Variants in MCTP1 observed in about 807,000 individuals in gnomAD.
MCTP1 encodes multiple C2 and transmembrane domain-containing protein 1.
A neutral mutation model predicts 120.6 loss-of-function variants in MCTP1; 69 were observed. The ratio of observed to expected loss-of-function variants is 0.57; its 90% CI spans 0.47 to 0.70. The LOEUF is 0.70. MCTP1 is among the 30% of genes least tolerant of loss of function. The probability of loss-of-function intolerance (pLI) is 0.00; values close to 1 mark genes in which losing one functional copy is unlikely to be tolerated. For synonymous variants in MCTP1, 529 were observed against 493.1 expected, an observed-to-expected ratio of 1.07 and a Z score of -0.96; for missense variants, 1,203 against 1,248.8, an observed-to-expected ratio of 0.96 and a Z score of 0.55.
chr5:95,229,982 G>T (rs1200848801), intron 1 of MCTP1, among the ~76,000 whole-genome samples: 1 of 151,948 alleles, frequency 6.6e-6, no homozygotes, highest in Non-Finnish European at 1.5e-5. Context: ...TAGTCACCAT[G>T]CCCCCAGCAT....
chr5:95,190,824 A>G (rs994002254), intron 1 of MCTP1, among the ~76,000 whole-genome samples: 3 of 152,114 alleles, frequency 2.0e-5, no homozygotes, highest in Non-Finnish European at 4.4e-5. Flanking sequence ...GATATTTGAT[A>G]CAGTTTAAAA....
chr5:94,940,899 G>A (rs1186578478), intron 4 of MCTP1, among the ~76,000 whole-genome samples: 1 of 151,298 alleles, frequency 6.6e-6, no homozygotes, highest in African/African-American at 2.4e-5. Context: ...AGAGACTATT[G>A]ATTTATATTT....
intron 8 of MCTP1, among the ~76,000 whole-genome samples, chr5:94,913,390 AT>A (rs542486440): frequency 1.3e-5 from 2 of 152,290 alleles, no homozygotes; most frequent in African/African-American, 4.8e-5. Flanking sequence ...GAAGATCTCT[AT>A]GTTATAAATA....
At chr5:94,846,334 G>A (rs1792347406) in intron 17 of MCTP1, among the ~76,000 whole-genome samples, 1 of 152,086 alleles carries the variant, frequency 6.6e-6, no homozygotes, top group African/African-American at 2.4e-5. Context: ...CAAAGAATGA[G>A]ATCAGGTCCT....
At chr5:94,808,909 C>G (rs146206241) in intron 17 of MCTP1, among the ~76,000 whole-genome samples, 1 of 152,140 alleles carries the variant, frequency 6.6e-6, no homozygotes, top group African/African-American at 2.4e-5. Context: ...CAGAAAGTTC[C>G]AATTCTTTAT....
At chr5:95,232,158 T>TAAAAAAAAAA (rs35731165) in intron 1 of MCTP1, among the ~76,000 whole-genome samples, 2 of 66,984 alleles carry the variant, frequency 3.0e-5, no homozygotes, top group African/African-American at 5.8e-5. Context: ...AAGTGATCAC[T>TAAAAAAAAAA]AAAAAAAAAA....
chr5:95,246,358 C>T (rs1756786066), intron 1 of MCTP1, among the ~76,000 whole-genome samples: 3 of 151,990 alleles, frequency 2.0e-5, no homozygotes, highest in Non-Finnish European at 4.4e-5. Context: ...GGACGAAATG[C>T]CCCAATTAAA....
At chr5:94,752,423 T>TAC (rs911358917) in intron 19 of MCTP1, among the ~76,000 whole-genome samples, 2 of 151,960 alleles carry the variant, frequency 1.3e-5, no homozygotes, top group African/African-American at 4.8e-5. Context: ...CCCTTGTACA[T>TAC]ACCTAAGTTC....
intron 17 of MCTP1, among the ~76,000 whole-genome samples, chr5:94,834,329 A>G (rs970464331): frequency 7.9e-5 from 12 of 152,154 alleles, no homozygotes; most frequent in Non-Finnish European, 1.3e-4. Flanking sequence ...ATTCAACATT[A>G]CCCATATATC....
intron 1 of MCTP1, among the ~76,000 whole-genome samples, chr5:95,079,201 A>G (rs180849215): frequency 2.0e-5 from 3 of 152,138 alleles, no homozygotes; most frequent in African/African-American, 7.2e-5. Flanking sequence ...CACTTATAAC[A>G]ACAGACTCTC....
intron 5 of MCTP1, among the ~76,000 whole-genome samples, chr5:94,934,238 A>G (rs1327722620): frequency 1.3e-5 from 2 of 151,688 alleles, no homozygotes; most frequent in Admixed American, 1.3e-4. Context: ...TTTCTTTGCT[A>G]TCTGTGAGAC....
At chr5:94,780,626 A>G (rs951677024) in intron 18 of MCTP1, among the ~76,000 whole-genome samples, 17 of 152,166 alleles carry the variant, frequency 1.1e-4, no homozygotes, top group African/African-American at 3.6e-4. Flanking sequence ...ATCTGATGAG[A>G]GCTTACACTT....
chr5:95,146,648 G>A (rs1760421855), intron 1 of MCTP1, among the ~76,000 whole-genome samples: 1 of 152,052 alleles, frequency 6.6e-6, no homozygotes, highest in Non-Finnish European at 1.5e-5. Flanking sequence ...TCACCCAAGA[G>A]TTACTTCAGA....
intron 1 of MCTP1, among the ~76,000 whole-genome samples, chr5:95,247,838 G>C (rs1451431533): frequency 3.3e-5 from 5 of 152,150 alleles, no homozygotes; most frequent in Non-Finnish European, 7.4e-5. Context: ...GAATAAGTGT[G>C]ATGTGGTACT....
intron 1 of MCTP1, among the ~76,000 whole-genome samples, chr5:95,228,853 C>T (rs186934853): frequency 6.9e-4 from 105 of 152,284 alleles, no homozygotes; most frequent in African/African-American, 2.2e-3. Flanking sequence ...GCTCCCTCTT[C>T]GCCTTCTGCT....
intron 19 of MCTP1, among the ~76,000 whole-genome samples, chr5:94,769,917 A>T (rs1451662498): frequency 6.6e-6 from 1 of 152,190 alleles, no homozygotes; most frequent in Non-Finnish European, 1.5e-5. Flanking sequence ...ATATTCTGAC[A>T]TTTCTTTAAT....
At chr5:94,830,192 C>T (rs1398963350) in intron 17 of MCTP1, among the ~76,000 whole-genome samples, 3 of 152,164 alleles carry the variant, frequency 2.0e-5, no homozygotes, top group Non-Finnish European at 2.9e-5. Flanking sequence ...TTTCTGGCCA[C>T]AGACCAGGAA....
chr5:95,188,926 G>T (rs189142875), intron 1 of MCTP1, among the ~76,000 whole-genome samples: 1 of 152,224 alleles, frequency 6.6e-6, no homozygotes, highest in African/African-American at 2.4e-5. Context: ...GTTACTACTG[G>T]AGAAAACTGA....
intron 5 of MCTP1, among the ~76,000 whole-genome samples, chr5:94,933,647 A>T (rs1391546037): frequency 1.3e-5 from 2 of 151,904 alleles, no homozygotes; most frequent in African/African-American, 2.4e-5. Flanking sequence ...TATCATCATT[A>T]TCTAGCATCT....
Sources: gnomAD v4.1 joint callset for allele counts (sites outside exome capture counted in the v4.1 genomes callset) on GRCh38, gnomAD v4.1.1 for gene constraint, MANE v1.5 for transcripts, NCBI Gene and HGNC (gene_info 2026-07-23, HGNC 2026-07-21) for gene names.